The following NAA60 variants were observed in gnomAD, a reference collection of about 807,000 sequenced individuals.
The protein encoded by NAA60 is N-alpha-acetyltransferase 60, NatF catalytic subunit.
In NAA60, 8 loss-of-function variants were observed where a neutral mutation model predicts 26.1. The observed-to-expected ratio is 0.31, with a 90% CI of 0.18 to 0.55. NAA60 has a LOEUF of 0.55. Ranked by LOEUF, NAA60 falls within the 20% of genes least tolerant of loss-of-function variation. The pLI is 0.93. For synonymous variants in NAA60, 131 were observed against 122.5 expected (o/e 1.07, Z -0.46); for missense variants, 290 against 311.3 (o/e 0.93, Z 0.51).
intron 3 of NAA60, among the ~76,000 whole-genome samples, chr16:3,479,032 TTG>T (rs1445306762): frequency 2.0e-5 from 3 of 151,982 alleles, no homozygotes; most frequent in Non-Finnish European, 4.4e-5. Context: ...GGTCAGGAGT[TTG>T]AGACCAGCCT....
chr16:3,475,776 C>T (rs2036441070), intron 2 of NAA60, among the ~76,000 whole-genome samples: 1 of 152,228 alleles, frequency 6.6e-6, no homozygotes, highest in Non-Finnish European at 1.5e-5. Context: ...ACTGCCCCGG[C>T]CACCGGGCTG....
In NAA60 at chr16:3,480,960, G is replaced by A. The variant is rs569432911; in HGVS notation, c.240+1360G>A. Reference sequence around the variant, plus strand: ...GGCCTGTCTCTCCCTTTAAGGACCCGAATCCACTGGCATCTACCCTGTTTT... The same window carrying A: ...GGCCTGTCTCTCCCTTTAAGGACCCAAATCCACTGGCATCTACCCTGTTTT... On this transcript the variant is annotated intron_variant, in intron 4 of 7. Transcript: ENST00000407558. Among the ~76,000 whole-genome samples, 9 of 152,166 alleles carry A rather than the reference G, an allele frequency of 5.9e-5. No individual in the cohort carries two copies. In the South Asian group the frequency reaches 6.2e-4, roughly 11 times the overall value.
chr16:3,458,979 G>C (rs910737009), intron 2 of NAA60, among the ~76,000 whole-genome samples: 2 of 152,194 alleles, frequency 1.3e-5, no homozygotes, highest in Non-Finnish European at 2.9e-5. Flanking sequence ...CTGGACATCA[G>C]GCAAGGGGTA....
At chr16:3,466,317 G>A (rs2035759037) in intron 2 of NAA60, among the ~76,000 whole-genome samples, 1 of 152,204 alleles carries the variant, frequency 6.6e-6, no homozygotes. Context: ...GAAATAGAGT[G>A]GTGGGTGTTT....
intron 2 of NAA60, among the ~76,000 whole-genome samples, chr16:3,468,515 G>A (rs2035909070): frequency 6.6e-6 from 1 of 152,202 alleles, no homozygotes; most frequent in Admixed American, 6.5e-5. Flanking sequence ...AGCAGTCTTG[G>A]TACCGTGTCC....
chr16:3,447,687 T>C (rs1172895742), intron 1 of NAA60: 3 of 965,348 alleles, frequency 3.1e-6, no homozygotes, highest in African/African-American at 3.5e-5. Context: ...GAATGCTTGA[T>C]TGAGCAGTTA....
rs1397054871 is a variant in NAA60, at chr16:3,476,202, C to G, written c.-6-20C>G. On this transcript the variant is annotated intron_variant, in intron 2 of 7. Coordinates refer to ENST00000407558, the MANE Select transcript of NAA60 (RefSeq NM_001083601.3). Reference sequence around the variant, plus strand: ...AGACCAGGCTGTGAGGTGACGCGTCCCCCCCACCCTTCCCCACAGGTGTGA... The same window carrying G: ...AGACCAGGCTGTGAGGTGACGCGTCGCCCCCACCCTTCCCCACAGGTGTGA... 1.3e-6 allele frequency: 2 copies of G among 1,548,898 alleles called. No homozygotes were observed. The highest frequency in any genetic ancestry group is 1.8e-6 in the Non-Finnish European group (2 of 1,127,712).
chr16:3,484,618 G>A, intron 6 of NAA60, 81 bp from the exon 7 acceptor site: 1 of 1,519,338 alleles, frequency 6.6e-7, no homozygotes, highest in South Asian at 1.2e-5. Flanking sequence ...CAGTCCCACA[G>A]GCCACTGCGC....
intron 3 of NAA60, among the ~76,000 whole-genome samples, chr16:3,477,522 T>C (rs1052575092): frequency 4.0e-5 from 6 of 151,734 alleles, no homozygotes; most frequent in Non-Finnish European, 7.4e-5. Flanking sequence ...TGTTCTTGGC[T>C]GGGCGCAGTG....
chr16:3,483,263 G>T, intron 5 of NAA60, 100 bp from the exon 6 acceptor site: 2 of 870,262 alleles, frequency 2.3e-6, no homozygotes, highest in South Asian at 1.5e-5. Context: ...ACGGTGGGCC[G>T]AGACATCTCC....
rs2034439350 is a variant in NAA60, at chr16:3,443,852, C to T, written c.-77+15C>T. On this transcript the variant is annotated intron_variant, in intron 1 of 7. Transcript: ENST00000407558. ...GGTAACAAAATGTGGGTTCGGCCAA[C>T]AGTGCCCTGTAGGCCTGAAATTTCG... The T allele has an allele frequency of 1.3e-6, 2 of 1,531,950 alleles. No homozygotes were observed. Among genetic ancestry groups the T allele is most frequent in the Non-Finnish European group, 1.7e-6 (2 of 1,144,794 alleles). 94.9% of individuals were successfully genotyped at this position (1,531,950 alleles called of 1,614,324 possible).
chr16:3,443,920 C>T (rs2034443078), intron 1 of NAA60, 83 bp downstream of exon 1: 2 of 1,457,694 alleles, frequency 1.4e-6, no homozygotes, highest in East Asian at 5.1e-5. Context: ...GGGTTCGGGC[C>T]TAGCCTGGGC....
At chr16:3,446,438 G>A (rs1034690831) in intron 1 of NAA60, among the ~76,000 whole-genome samples, 5 of 151,134 alleles carry the variant, frequency 3.3e-5, no homozygotes, top group African/African-American at 9.7e-5. Context: ...GGCTGAGGCA[G>A]GAGAATGGCG....
intron 4 of NAA60, among the ~76,000 whole-genome samples, chr16:3,481,951 G>C (rs1377551975): frequency 6.6e-6 from 1 of 152,118 alleles, no homozygotes; most frequent in Non-Finnish European, 1.5e-5. Context: ...TCCATCTCTA[G>C]AACCAAGAGA....
intron 3 of NAA60, among the ~76,000 whole-genome samples, chr16:3,479,006 C>T (rs563600491): frequency 9.9e-5 from 15 of 152,152 alleles, no homozygotes; most frequent in Non-Finnish European, 1.8e-4. Flanking sequence ...GAGGCCAAGA[C>T]GGGCAGATCA....
chr16:3,477,217 G>A (rs982587483), intron 3 of NAA60, among the ~76,000 whole-genome samples: 32 of 152,206 alleles, frequency 2.1e-4, no homozygotes, highest in African/African-American at 7.7e-4. Context: ...CAGTGTTTCA[G>A]TATTTGAGGT....
At chr16:3,474,622 G>C (rs961001823) in intron 2 of NAA60, among the ~76,000 whole-genome samples, 1 of 152,256 alleles carries the variant, frequency 6.6e-6, no homozygotes, top group Non-Finnish European at 1.5e-5. Context: ...CGCCCTGCCA[G>C]TGGAGTGGGG....
At chr16:3,447,568 A>G (rs1290231310) in intron 1 of NAA60, 3 of 985,308 alleles carry the variant, frequency 3.0e-6, no homozygotes, top group African/African-American at 1.7e-5. Context: ...TGGGAAGTTG[A>G]TACTGATCGG....
chr16:3,479,769 G>A (rs1238679649), intron 4 of NAA60, among the ~76,000 whole-genome samples, 169 bp downstream of exon 4: 2 of 152,038 alleles, frequency 1.3e-5, no homozygotes, highest in Non-Finnish European at 2.9e-5. Flanking sequence ...TTTTCTGTGT[G>A]TGTGTGTGTG....
Sources: gnomAD v4.1 joint callset for allele counts (sites outside exome capture counted in the v4.1 genomes callset) on GRCh38, gnomAD v4.1.1 for gene constraint, MANE v1.5 for transcripts, NCBI Gene and HGNC (gene_info 2026-07-23, HGNC 2026-07-21) for gene names.